The following GBP4 variants were observed in gnomAD, a reference collection of about 807,000 sequenced individuals.
GBP4 encodes guanylate binding protein 4, also known as guanylate-binding protein 4.
In GBP4, 69 loss-of-function variants were observed where a neutral mutation model predicts 62.2. The ratio of observed to expected loss-of-function variants is 1.11; its 90% CI spans 0.91 to 1.36. GBP4 has a LOEUF of 1.36. Ranked by LOEUF, GBP4 falls within the 40% of genes most tolerant of loss-of-function variation. The pLI is 0.00. For missense variants in GBP4, 697 were observed against 759.3 expected (o/e 0.92, Z 0.96); for synonymous variants, 278 against 274.6 (o/e 1.01, Z -0.12).
intron 9 of GBP4, 68 bp downstream of exon 9, chr1:89,186,932 G>A (rs145856676): frequency 7.2e-7 from 1 of 1,382,870 alleles, no homozygotes; most frequent in African/African-American, 1.4e-5. Flanking sequence ...ATATCTTTCA[G>A]TGTGATCAGC....
intron 1 of GBP4, among the ~76,000 whole-genome samples, chr1:89,198,549 A>G (rs1648408518): frequency 6.6e-6 from 1 of 152,052 alleles, no homozygotes; most frequent in Non-Finnish European, 1.5e-5. Flanking sequence ...GGAGCAGCGC[A>G]TCCTGGAGAC....
chr1:89,186,262 T>G (rs2100673304), intron 10 of GBP4, 71 bp downstream of exon 10: 1 of 1,247,394 alleles, frequency 8.0e-7, no homozygotes, highest in South Asian at 1.4e-5. Flanking sequence ...GTGCCTAAAA[T>G]TTTGGTCCTT....
intron 8 of GBP4, among the ~76,000 whole-genome samples, chr1:89,187,725 T>C (rs1648075622): frequency 6.6e-6 from 1 of 152,196 alleles, no homozygotes; most frequent in Non-Finnish European, 1.5e-5. Context: ...CCAACAGGTA[T>C]GTGAAAGCAT....
At position 89,193,417 on chromosome 1, in the gene GBP4, A is replaced by C. The variant is rs1557475812; in HGVS notation, c.364-5T>G. 1 of 1,606,506 alleles carries C rather than the reference A, an allele frequency of 6.2e-7. No individual in the cohort carries two copies. Among genetic ancestry groups the C allele is most frequent in the East Asian group, 2.2e-5 (1 of 44,852 alleles). On this transcript the variant is annotated splice_region_variant and splice_polypyrimidine_tract_variant and intron_variant, in intron 3 of 10. Transcript: ENST00000355754. ...CGAGTCATTCTTAGGGTTACTCTAGAAAGCATATAAAGCAAAAGACTTAGG... is the reference window on the plus strand; with the variant it reads ...CGAGTCATTCTTAGGGTTACTCTAGCAAGCATATAAAGCAAAAGACTTAGG...
intron 3 of GBP4, among the ~76,000 whole-genome samples, chr1:89,193,941 A>C (rs1219897208): frequency 1.7e-4 from 26 of 152,218 alleles, no homozygotes; most frequent in Non-Finnish European, 2.9e-5. Flanking sequence ...CAAAGTTATA[A>C]AGTATAAAAC....
intron 5 of GBP4, among the ~76,000 whole-genome samples, chr1:89,192,374 G>GT (rs143739751): frequency 1.1e-4 from 16 of 151,702 alleles, no homozygotes; most frequent in African/African-American, 3.6e-4. Context: ...GGAAGCATAT[G>GT]TGTTTTTTTT....
At chr1:89,198,601 C>T (rs1570379835) in intron 1 of GBP4, 194 bp downstream of exon 1, 2 of 603,248 alleles carry the variant, frequency 3.3e-6, no homozygotes. Flanking sequence ...CGTCTAGAGA[C>T]GCTGGGCCAC....
At chr1:89,186,952 T>G in intron 9 of GBP4, 48 bp downstream of exon 9, 1 of 1,532,776 alleles carries the variant, frequency 6.5e-7, no homozygotes. Context: ...CAAGAAGGCA[T>G]TGCAGGAAAC....
intron 1 of GBP4, 118 bp from the exon 2 acceptor site, chr1:89,197,422 A>G (rs1310523253): frequency 2.7e-5 from 18 of 655,684 alleles, no homozygotes; most frequent in Admixed American, 9.6e-5. Flanking sequence ...AAATTTCTAC[A>G]TTTTAATGGT....
At chr1:89,192,882 C>T (rs372214198) in intron 5 of GBP4, 22 bp downstream of exon 5, 29 of 1,607,930 alleles carry the variant, frequency 1.8e-5, no homozygotes, top group Non-Finnish European at 2.3e-5. Flanking sequence ...AACCTTCCCA[C>T]ATCCAGGCCA....
intron 2 of GBP4, 74 bp from the exon 3 acceptor site, chr1:89,195,498 C>G (rs545124829): frequency 9.6e-6 from 15 of 1,561,786 alleles, no homozygotes; most frequent in Middle Eastern, 3.5e-4. Flanking sequence ...ACCGGTTAAA[C>G]TTGTAGGAAT....
intron 8 of GBP4, among the ~76,000 whole-genome samples, chr1:89,187,645 C>CA (rs959487462): frequency 1.3e-5 from 2 of 151,908 alleles, no homozygotes; most frequent in Non-Finnish European, 2.9e-5. Context: ...AATAAACACT[C>CA]AAAAAACCAA....
In GBP4 at chr1:89,193,055, G is replaced by A; in HGVS notation, c.519C>T (p.Pro173=). The change falls in exon 5 of 11, where the codon CCC becomes CCT. Residue 173 remains proline, a synonymous_variant. Transcript: ENST00000355754. ...LAELIRAKSC[P]RPDEAEDSSE... is the part of the protein sequence containing the mutation. Reference sequence around the variant, plus strand: ...TGGAGTCCTCAGCTTCATCAGGTCTGGGGCAGGATTTTGCCCTGATTAGCT... The same window carrying A: ...TGGAGTCCTCAGCTTCATCAGGTCTAGGGCAGGATTTTGCCCTGATTAGCT... 1 of 1,614,182 alleles carries A rather than the reference G, an allele frequency of 6.2e-7. No homozygotes were observed.
intron 5 of GBP4, among the ~76,000 whole-genome samples, chr1:89,192,155 T>C (rs754798041): frequency 5.3e-5 from 8 of 152,220 alleles, no homozygotes; most frequent in Non-Finnish European, 1.2e-4. Context: ...TTCTGTGGCA[T>C]ATATCAGTTA....
rs775690110 is a variant in GBP4, at chr1:89,195,288, C to T, written c.363+9G>A. ...GTCAACCATGAGCGGTGAAGTTTCT[C>T]TGCCTTACCTTTTCTACATCGCCCA... On this transcript the variant is annotated intron_variant, in intron 3 of 10. Coordinates refer to ENST00000355754, the MANE Select transcript of GBP4 (RefSeq NM_052941.5). 1 of 1,613,280 alleles carries T rather than the reference C, an allele frequency of 6.2e-7. No individual in the cohort carries two copies. Among genetic ancestry groups the T allele is most frequent in the South Asian group, 1.1e-5 (1 of 91,046 alleles).
At position 89,182,481 on chromosome 1, in the gene GBP4, AT is replaced by A. The variant is rs397790583; in HGVS notation, c.*2772del. ...ACATCGGTTTCTAAGTTATGAGTTG[AT>A]TTTTTTTTTTTTTTTTTGAGACGGA... On this transcript the variant is annotated 3_prime_UTR_variant, in exon 11 of 11. Coordinates refer to ENST00000355754, the MANE Select transcript of GBP4 (RefSeq NM_052941.5). 145 of 131,240 alleles carry A rather than the reference AT, an allele frequency of 1.1e-3. 2 individuals carry two copies. Among genetic ancestry groups the A allele is most frequent in the Middle Eastern group, 4.2e-3 (1 of 238 alleles). The allele number at this position is 131,240 out of a possible 1,614,324, so 8.1% of individuals were successfully genotyped here. A position where few individuals can be genotyped will look rare whatever the true frequency, so the allele number is the denominator to read the frequency against.
intron 7 of GBP4, 151 bp downstream of exon 7, chr1:89,189,887 A>T (rs1011662655): frequency 1.5e-6 from 1 of 657,032 alleles, no homozygotes; most frequent in Admixed American, 3.1e-5. Context: ...CCTCTAGAAG[A>T]AGGGTGACCT....
In GBP4 at chr1:89,186,431, TTC is replaced by T. The variant is rs1386590437; in HGVS notation, c.1607_1608del (p.Arg536LysfsTer25). The stretch of plus-strand genomic sequence containing the variant: ...ATTTGGGCCATGTATTCCTGGAAGC[TTC>T]TCTCTTGAGCCTCCATCATTTGCTG... ...EQQQMMEAQE[R>X]SFQEYMAQME... On this transcript the variant is annotated frameshift_variant, in exon 10 of 11. Transcript: ENST00000355754. LOFTEE classifies it high-confidence loss of function. 6.3e-7 allele frequency: 1 copy of T among 1,590,840 alleles called. No homozygotes were observed. Among genetic ancestry groups the T allele is most frequent in the African/African-American group, 1.3e-5 (1 of 74,856 alleles).
Position 89,185,261 on chromosome 1 carries a change from C to G in GBP4, c.1916G>C (p.Arg639Pro). 1 of 1,591,018 alleles carries G rather than the reference C, an allele frequency of 6.3e-7. No homozygotes were observed. Among genetic ancestry groups the G allele is most frequent in the Non-Finnish European group, 8.6e-7 (1 of 1,159,826 alleles). The change falls in exon 11 of 11, where the codon CGT becomes CCT. Residue 639 changes from arginine to proline, a missense_variant. By Grantham distance (103) the Arg-to-Pro change is moderately radical. Around this residue, in one of 2 missense-constraint regions of GBP4, gnomAD observed 141 missense variants for 196.6 expected, o/e 0.72. Transcript: ENST00000355754. ...CCTGGAATATTCAGGCTCTTAAATACGTGAGCCAAGATATTTTGTCCCTAC... is the reference window on the plus strand; with the variant it reads ...CCTGGAATATTCAGGCTCTTAAATAGGTGAGCCAAGATATTTTGTCCCTAC... ...LGVGTKYLGS[R>P]I
Sources: gnomAD v4.1 joint callset for allele counts (sites outside exome capture counted in the v4.1 genomes callset) on GRCh38, gnomAD v4.1.1 for gene constraint, gnomAD v4.1.1 regional missense constraint, MANE v1.5 for transcripts, NCBI Gene and HGNC (gene_info 2026-07-23, HGNC 2026-07-21) for gene names.